The following SETD7 variants were observed in gnomAD, a reference collection of about 807,000 sequenced individuals.
SETD7 encodes the protein histone-lysine N-methyltransferase SETD7.
Under a neutral mutation model 41.8 loss-of-function variants are expected in SETD7, and 16 were observed. The observed-to-expected ratio is 0.38, with a 90% CI of 0.26 to 0.58. The LOEUF (loss-of-function observed/expected upper bound fraction) is 0.58. Among genes scored for constraint, SETD7 ranks in the 20% least tolerant of loss-of-function variants. The pLI is 0.64. For missense variants in SETD7, 346 were observed against 459.7 expected, an observed-to-expected ratio of 0.75 and a Z score of 2.26; for synonymous variants, 163 against 169.7, an observed-to-expected ratio of 0.96 and a Z score of 0.31.
intron 2 of SETD7, among the ~76,000 whole-genome samples, chr4:139,534,213 A>T (rs1466622192): frequency 6.6e-6 from 1 of 152,210 alleles, no homozygotes. Context: ...TTTCATTGTT[A>T]TCCTCTGAAA....
Position 139,545,355 on chromosome 4 carries a change from G to A in SETD7, c.170+1565C>T, listed in dbSNP as rs190471212. On this transcript the variant is annotated intron_variant, in intron 2 of 7. Coordinates refer to ENST00000274031, the MANE Select transcript of SETD7 (RefSeq NM_030648.4). Reference sequence around the variant, plus strand: ...TGCCCTGGTCAGTTCTCAAATTCCCGGGCTCAAACAATCCTCCTGCCTCAG... The same window carrying A: ...TGCCCTGGTCAGTTCTCAAATTCCCAGGCTCAAACAATCCTCCTGCCTCAG... Among the ~76,000 whole-genome samples the A allele has an allele frequency of 4.1e-3, 625 of 152,020 alleles. 3 individuals are homozygous for A. The highest frequency in any genetic ancestry group is 0.014 in the African/African-American group (600 of 41,458).
intron 7 of SETD7, among the ~76,000 whole-genome samples, chr4:139,515,929 C>T (rs541694243): frequency 6.6e-6 from 1 of 152,310 alleles, no homozygotes; most frequent in Non-Finnish European, 1.5e-5. Context: ...GAAGAGCTGG[C>T]ATTCTCAGGC....
chr4:139,523,404 T>A lies in SETD7; in HGVS notation c.594A>T (p.Ser198=). The A allele has an allele frequency of 6.2e-7, 1 of 1,613,670 alleles. No individual in the cohort carries two copies. Among genetic ancestry groups the A allele is most frequent in the Non-Finnish European group, 8.5e-7 (1 of 1,179,654 alleles). Residue 198 remains serine (S), a synonymous_variant, in exon 5 of 8, where the codon TCA becomes TCT. Transcript: ENST00000274031. ...GAAGAGCATTGGTAGAAATGCAAGA[T>A]GAAGTCGACTTATCAAAGTGGTACA... ...NSVYHFDKST[S]SCISTNALLP... is the part of the protein sequence containing the mutation.
downstream of SETD7, among the ~76,000 whole-genome samples, chr4:139,504,951 A>T (rs1449038818): frequency 6.6e-6 from 1 of 152,110 alleles, no homozygotes; most frequent in Non-Finnish European, 1.5e-5. Context: ...TTGTGATTTG[A>T]CCCATGCGTG....
chr4:139,519,933 C>T (rs1265479203), intron 6 of SETD7, among the ~76,000 whole-genome samples: 4 of 152,146 alleles, frequency 2.6e-5, no homozygotes, highest in Admixed American at 6.5e-5. Flanking sequence ...GGCTTTTGCA[C>T]AAGAAGATGT....
intron 7 of SETD7, among the ~76,000 whole-genome samples, chr4:139,516,154 C>T (rs1727018452): frequency 6.6e-6 from 1 of 151,960 alleles, no homozygotes; most frequent in African/African-American, 2.4e-5. Context: ...TCAGGGAAAC[C>T]CATTTGGGCT....
chr4:139,516,358 C>CG (rs1273948993), intron 7 of SETD7, among the ~76,000 whole-genome samples: 1 of 147,740 alleles, frequency 6.8e-6, no homozygotes, highest in Non-Finnish European at 1.5e-5. Context: ...CCCAGCTATT[C>CG]GGGAGGCTGA....
At chr4:139,505,640 A>T (rs919511531), downstream of SETD7, among the ~76,000 whole-genome samples, 5 of 152,078 alleles carry the variant, frequency 3.3e-5, no homozygotes, top group African/African-American at 1.2e-4. Context: ...GGAATAAGGG[A>T]TTGCCAGGGT....
At chr4:139,512,433 C>G (rs1443735918) in intron 7 of SETD7, among the ~76,000 whole-genome samples, 1 of 152,190 alleles carries the variant, frequency 6.6e-6, no homozygotes, top group East Asian at 1.9e-4. Flanking sequence ...GTCTAGACCT[C>G]TCTGCCAACC....
intron 2 of SETD7, among the ~76,000 whole-genome samples, chr4:139,542,525 G>A (rs888846831): frequency 3.3e-5 from 5 of 151,986 alleles, no homozygotes. Flanking sequence ...GTAGAATTAT[G>A]TGTCAATTAA....
At chr4:139,522,237 G>A (rs1473381505) in intron 5 of SETD7, among the ~76,000 whole-genome samples, 1 of 152,154 alleles carries the variant, frequency 6.6e-6, no homozygotes, top group African/African-American at 2.4e-5. Flanking sequence ...TTCTCAGATG[G>A]GAACAGAAAC....
chr4:139,534,324 A>C (rs902222976), intron 2 of SETD7, among the ~76,000 whole-genome samples: 11 of 152,222 alleles, frequency 7.2e-5, no homozygotes, highest in Non-Finnish European at 1.6e-4. Context: ...ATGTAAGAAA[A>C]TTTTGAAACA....
chr4:139,519,212 C>T (rs1424782466), intron 6 of SETD7, among the ~76,000 whole-genome samples: 2 of 152,216 alleles, frequency 1.3e-5, no homozygotes, highest in East Asian at 3.8e-4. Flanking sequence ...ATCTCCCCAA[C>T]AGAATCTAAA....
At chr4:139,550,947 T>C (rs1379575380) in intron 1 of SETD7, among the ~76,000 whole-genome samples, 1 of 152,204 alleles carries the variant, frequency 6.6e-6, no homozygotes, top group Non-Finnish European at 1.5e-5. Flanking sequence ...TGAAAGCCCC[T>C]TCTCCAAATC....
chr4:139,517,942 C>T lies in SETD7; in HGVS notation c.863G>A (p.Cys288Tyr). Reference protein sequence around the residue: ...PEPYNHVSKYCASLGHKANHS... With the variant: ...PEPYNHVSKYYASLGHKANHS... The stretch of plus-strand genomic sequence containing the variant: ...ATTTGCCTTGTGTCCCAAGGAGGCA[C>T]AGTACTTGGATACGTGGTTATAGGG... The change falls in exon 7 of 8, where the codon TGT becomes TAT. Residue 288 changes from cysteine (C) to tyrosine (Y), a missense_variant. Around this residue, in one of 3 missense-constraint regions of SETD7, gnomAD observed 266 missense variants for 377.0 expected, o/e 0.71. Coordinates refer to ENST00000274031, the MANE Select transcript of SETD7 (RefSeq NM_030648.4). The T allele has an allele frequency of 2.5e-6, 4 of 1,613,922 alleles. No homozygotes were observed. The highest frequency in any genetic ancestry group is 2.5e-6 in the Non-Finnish European group (3 of 1,179,896).
At chr4:139,548,449 A>G (rs1035884065) in intron 1 of SETD7, among the ~76,000 whole-genome samples, 2 of 152,084 alleles carry the variant, frequency 1.3e-5, no homozygotes, top group African/African-American at 4.8e-5. Flanking sequence ...TGGCCAACAC[A>G]GTGAAACCCC....
chr4:139,511,338 C>A lies in SETD7; in HGVS notation c.*325G>T. The stretch of plus-strand genomic sequence containing the variant: ...ACTGACTAAAAATGACTGAAAAACC[C>A]CGTTTCCCTGTTTCAGTCTAATCAT... On this transcript the variant is annotated 3_prime_UTR_variant, in exon 8 of 8. Transcript: ENST00000274031. The A allele has an allele frequency of 3.3e-6, 1 of 300,734 alleles. No individual in the cohort carries two copies. 18.6% of individuals were successfully genotyped at this position (300,734 alleles called of 1,614,324 possible).
chr4:139,502,289 A>G (rs761058371), downstream of SETD7, among the ~76,000 whole-genome samples: 1 of 152,258 alleles, frequency 6.6e-6, no homozygotes, highest in Non-Finnish European at 1.5e-5. Context: ...AATATAACTA[A>G]GTTCTACGGT....
intron 2 of SETD7, among the ~76,000 whole-genome samples, chr4:139,545,458 G>A (rs746346858): frequency 1.3e-4 from 20 of 152,242 alleles, no homozygotes; most frequent in Non-Finnish European, 2.6e-4. Context: ...GGCCTCTATG[G>A]CACTCAAGTA....
Sources: allele counts gnomAD v4.1 joint callset (sites outside exome capture counted in the v4.1 genomes callset), GRCh38; gene constraint gnomAD v4.1.1; regional missense constraint gnomAD v4.1.1; transcripts MANE v1.5; gene names NCBI Gene and HGNC (gene_info 2026-07-23, HGNC 2026-07-21).